Variants in PPP2R2C observed in about 807,000 individuals in gnomAD.
PPP2R2C encodes the protein protein phosphatase 2 regulatory subunit Bgamma.
A neutral mutation model predicts 45.3 loss-of-function variants in PPP2R2C; 10 were observed. The observed-to-expected ratio is 0.22, with a 90% CI of 0.14 to 0.37. The LOEUF (loss-of-function observed/expected upper bound fraction) is 0.37, where lower values mean the gene tolerates loss of function less well. Ranked by LOEUF, PPP2R2C falls within the 10% of genes least tolerant of loss-of-function variation. The pLI is 1.00. For missense variants in PPP2R2C, 308 were observed against 619.7 expected (o/e 0.50, Z 5.34); for synonymous variants, 257 against 245.4 (o/e 1.05, Z -0.44).
intron 1 of PPP2R2C, among the ~76,000 whole-genome samples, chr4:6,447,154 A>G (rs911101488): frequency 1.3e-5 from 2 of 152,048 alleles, no homozygotes; most frequent in African/African-American, 4.8e-5. Context: ...TCTCACTCTC[A>G]CCAAGGAGCC....
chr4:6,424,093 C>T (rs1719139837), intron 1 of PPP2R2C, among the ~76,000 whole-genome samples: 1 of 152,220 alleles, frequency 6.6e-6, no homozygotes, highest in Admixed American at 6.5e-5. Context: ...GGCCAGGAGG[C>T]TCTTCCTCAC....
chr4:6,346,175 C>T lies in PPP2R2C; in HGVS notation c.790+1671G>A, dbSNP rs989164186. Among the ~76,000 whole-genome samples, 28 of 152,326 alleles carry T rather than the reference C, an allele frequency of 1.8e-4. 3 individuals are homozygous for T. The highest frequency in any genetic ancestry group is 1.1e-3 in the Admixed American group (17 of 15,312). On this transcript the variant is annotated intron_variant, in intron 6 of 8. Transcript: ENST00000382599. ...CCATTTCTTCCTGCAGACCCTGCAG[C>T]GACCTCTGACGCCTGCTCCCCCGGG...
At chr4:6,342,477 G>A (rs4689410) in intron 6 of PPP2R2C, among the ~76,000 whole-genome samples, 62,290 of 152,050 alleles carry the variant, frequency 0.41, 14,089 homozygotes, top group African/African-American at 0.61. Flanking sequence ...GTTTGCACTA[G>A]GTGTGCAAAG....
At chr4:6,507,896 A>G (rs1476715261) in intron 2 of PPP2R2C, among the ~76,000 whole-genome samples, 2 of 152,212 alleles carry the variant, frequency 1.3e-5, no homozygotes, top group African/African-American at 4.8e-5. Flanking sequence ...AGGGTTGAAC[A>G]TGATTGCTGA....
At chr4:6,347,189 G>A (rs35776737) in intron 6 of PPP2R2C, among the ~76,000 whole-genome samples, 66,591 of 152,134 alleles carry the variant, frequency 0.44, 17,447 homozygotes, top group Non-Finnish European at 0.59. Flanking sequence ...ATCTCCTGGG[G>A]CTTGTGTGAA....
intron 1 of PPP2R2C, chr4:6,383,651 T>A (rs1466249155): frequency 1.9e-6 from 1 of 514,198 alleles, no homozygotes; most frequent in Admixed American, 4.3e-5. Flanking sequence ...AGCACCCTCA[T>A]ACAGGACACC....
chr4:6,414,155 A>T (rs995436931), intron 1 of PPP2R2C: 6 of 1,123,450 alleles, frequency 5.3e-6, no homozygotes, highest in Non-Finnish European at 7.1e-6. Flanking sequence ...GAAACAAAAT[A>T]CGGCCTAGTA....
chr4:6,470,785 C>A (rs1332793390), intron 1 of PPP2R2C, among the ~76,000 whole-genome samples: 1 of 151,926 alleles, frequency 6.6e-6, no homozygotes, highest in Non-Finnish European at 1.5e-5. Context: ...GGTCAGAGCC[C>A]CACCGGCCCG....
In PPP2R2C at chr4:6,391,055, A is replaced by G. The variant is rs569052358; in HGVS notation, c.71-9961T>C. 3.9e-4 allele frequency among the ~76,000 whole-genome samples: 59 copies of G among 152,188 alleles called. No homozygotes were observed. In the South Asian group the frequency reaches 4.4e-3, roughly 11 times the overall value. ...TGCTTTGGTCACTTGGCTGGAGGAA[A>G]ATGTGAAGGGGCTGGTGGGAGTATT... is the stretch of plus-strand genomic sequence containing the variant. On this transcript the variant is annotated intron_variant, in intron 1 of 8. Transcript: ENST00000382599.
rs117593060 is a variant in PPP2R2C, at chr4:6,454,194, G to A, written c.70+17966C>T. On this transcript the variant is annotated intron_variant, in intron 1 of 8. Coordinates refer to ENST00000382599, the MANE Select transcript of PPP2R2C (RefSeq NM_020416.4). ...TGGGGGTCTTGGCTCTGCCCAGGGC[G>A]TCTGTGGCACACCGTGTTTCCCAGG... Among the ~76,000 whole-genome samples the A allele has an allele frequency of 8.4e-3, 1,279 of 152,280 alleles. 20 individuals carry two copies. Among genetic ancestry groups the A allele is most frequent in the East Asian group, 0.044 (230 of 5,172 alleles).
rs60462800 is a variant in PPP2R2C at position 6,548,225 on chromosome 4, AAAGAAG to A, written c.-58-12854_-58-12849del. On this transcript the variant is annotated intron_variant, in intron 1 of 9. Transcript: ENST00000506140. ...AGAGTGAGACTCTGTCTTAAAAGAA[AAAGAAG>A]AAGAAGAAGAAGAAGAAGTCATAAT... Among the ~76,000 whole-genome samples, 231 of 151,122 alleles carry A rather than the reference AAAGAAG, an allele frequency of 1.5e-3. 1 individual carries two copies. Among genetic ancestry groups the A allele is most frequent in the Middle Eastern group, 0.014 (4 of 294 alleles).
intron 1 of PPP2R2C, among the ~76,000 whole-genome samples, chr4:6,392,369 GT>G (rs879265837): frequency 1.3e-5 from 2 of 149,906 alleles, no homozygotes; most frequent in Non-Finnish European, 3.0e-5. Flanking sequence ...AAATTTTCAT[GT>G]CAATAAATAG....
intron 2 of PPP2R2C, among the ~76,000 whole-genome samples, chr4:6,521,364 G>T (rs1724020310): frequency 6.6e-6 from 1 of 152,176 alleles, no homozygotes; most frequent in South Asian, 2.1e-4. Flanking sequence ...CTGCCTCCAG[G>T]ATCTTCTCAT....
At chr4:6,354,831 A>G (rs1319209653) in intron 5 of PPP2R2C, among the ~76,000 whole-genome samples, 1 of 152,088 alleles carries the variant, frequency 6.6e-6, no homozygotes, top group Non-Finnish European at 1.5e-5. Context: ...AGCCCCCCAC[A>G]GCCAGGCCCC....
chr4:6,410,273 T>C (rs1718075804), intron 1 of PPP2R2C, among the ~76,000 whole-genome samples: 1 of 152,186 alleles, frequency 6.6e-6, no homozygotes, highest in African/African-American at 2.4e-5. Flanking sequence ...CAGAGCCTAA[T>C]GAAGCGTCCC....
intron 1 of PPP2R2C, among the ~76,000 whole-genome samples, chr4:6,410,411 G>A (rs1718086530): frequency 6.6e-6 from 1 of 152,164 alleles, no homozygotes; most frequent in Non-Finnish European, 1.5e-5. Context: ...TGAGTAACTG[G>A]GGCATGCACT....
intron 2 of PPP2R2C, among the ~76,000 whole-genome samples, chr4:6,484,751 T>C (rs1722477431): frequency 6.6e-6 from 1 of 151,928 alleles, no homozygotes; most frequent in South Asian, 2.1e-4. Context: ...TGGTAGTTTT[T>C]AAGCTTCTAT....
At chr4:6,505,000 T>C (rs1275535354) in intron 2 of PPP2R2C, among the ~76,000 whole-genome samples, 1 of 152,142 alleles carries the variant, frequency 6.6e-6, no homozygotes, top group African/African-American at 2.4e-5. Context: ...AGGCACGTCA[T>C]AGTTAAACTA....
At chr4:6,474,412 C>A (rs1257569205), upstream of PPP2R2C, among the ~76,000 whole-genome samples, 1 of 152,168 alleles carries the variant, frequency 6.6e-6, no homozygotes, top group Non-Finnish European at 1.5e-5. Context: ...CAGCAGGGGT[C>A]AGGCCTCCTG....
Sources: gnomAD v4.1 joint callset for allele counts (sites outside exome capture counted in the v4.1 genomes callset) on GRCh38, gnomAD v4.1.1 for gene constraint, MANE v1.5 for transcripts, NCBI Gene and HGNC (gene_info 2026-07-23, HGNC 2026-07-21) for gene names.